The following LCA5L variants were observed in gnomAD, a reference collection of about 807,000 sequenced individuals.
The protein encoded by LCA5L is lebercilin LCA5 like.
A neutral mutation model predicts 45.4 loss-of-function variants in LCA5L; 35 were observed. The ratio of observed to expected loss-of-function variants is 0.77; its 90% CI spans 0.59 to 1.02. The LOEUF is 1.02. Among genes scored for constraint, LCA5L ranks in the 50% least tolerant of loss-of-function variants. The pLI is 0.00. For missense variants in LCA5L, 668 were observed against 761.6 expected, an observed-to-expected ratio of 0.88 and a Z score of 1.45; for synonymous variants, 233 against 264.7, an observed-to-expected ratio of 0.88 and a Z score of 1.16.
chr21:39,414,177 C>T (rs2040613957), intron 7 of LCA5L: 1 of 152,224 alleles, frequency 6.6e-6, no homozygotes, highest in South Asian at 2.1e-4. Context: ...TGCCCGCAAG[C>T]ACAAAGGGTA....
Position 39,428,294 on chromosome 21 carries a change from T to C in LCA5L, c.200A>G (p.Tyr67Cys). ...SCGSLSSQYDYSEDFLCDCSE... is the reference protein window; with the variant it reads ...SCGSLSSQYDCSEDFLCDCSE... ...ACAATCACAGAGAAAGTCTTCTGAA[T>C]AATCATACTGAGAACTTAAACTTCC... The change falls in exon 5 of 11, where the codon TAT (tyrosine) becomes TGT (cysteine). Residue 67 changes from tyrosine (Y) to cysteine (C), a missense_variant. Transcript: ENST00000288350. 1 of 1,612,090 alleles carries C rather than the reference T, an allele frequency of 6.2e-7. No individual in the cohort carries two copies. Among genetic ancestry groups the C allele is most frequent in the Non-Finnish European group, 8.5e-7 (1 of 1,178,268 alleles).
intron 7 of LCA5L, among the ~76,000 whole-genome samples, chr21:39,416,832 C>T (rs2041262179): frequency 6.6e-6 from 1 of 152,116 alleles, no homozygotes; most frequent in Non-Finnish European, 1.5e-5. Flanking sequence ...TTATTTGTGT[C>T]CTTACAGTGT....
At chr21:39,427,149 A>G (rs2074862415) in intron 5 of LCA5L, among the ~76,000 whole-genome samples, 1 of 152,206 alleles carries the variant, frequency 6.6e-6, no homozygotes, top group Non-Finnish European at 1.5e-5. Flanking sequence ...CCCAAACAGC[A>G]GGCCCTTTAT....
At chr21:39,419,538 A>AAAG (rs1555897354) in intron 7 of LCA5L, among the ~76,000 whole-genome samples, 5 of 151,330 alleles carry the variant, frequency 3.3e-5, no homozygotes, top group African/African-American at 9.8e-5. Context: ...AAAAAAAAGA[A>AAAG]AAAAGAAAAA....
intron 5 of LCA5L, among the ~76,000 whole-genome samples, chr21:39,426,441 A>G (rs1468736357): frequency 6.6e-6 from 1 of 152,208 alleles, no homozygotes; most frequent in African/African-American, 2.4e-5. Context: ...AATGTAGTAT[A>G]TAGATTCAAG....
intron 9 of LCA5L, 83 bp downstream of exon 9, chr21:39,410,181 T>A: frequency 8.0e-7 from 1 of 1,246,824 alleles, no homozygotes; most frequent in East Asian, 2.3e-5. Context: ...CTACAAATAC[T>A]TTTCACATAG....
At position 39,409,936 on chromosome 21, in the gene LCA5L, T is replaced by G. The variant is rs763211868; in HGVS notation, c.1282+43A>C. Reference sequence around the variant, plus strand: ...TATACACATATAGTAATTCACAATTTTAAAGAAATCAGATAAGATAGACTT... The same window carrying G: ...TATACACATATAGTAATTCACAATTGTAAAGAAATCAGATAAGATAGACTT... On this transcript the variant is annotated intron_variant, in intron 10 of 10. Transcript: ENST00000288350. This position sits in a 1 kb window ranked among gnomAD's most constrained non-coding sequence, Gnocchi z 4.2. 2.1e-5 allele frequency: 24 copies of G among 1,161,252 alleles called. No homozygotes were observed. In the South Asian group the frequency reaches 2.6e-4, roughly 13 times the overall value. The allele number at this position is 1,161,252 out of a possible 1,614,324, so 71.9% of individuals were successfully genotyped here.
At chr21:39,410,417 C>A (rs754347167) in intron 8 of LCA5L, 50 bp from the exon 9 acceptor site, 10 of 951,108 alleles carry the variant, frequency 1.1e-5, no homozygotes, top group African/African-American at 1.7e-5. Flanking sequence ...CATTTGGATA[C>A]AATATTGATT....
At position 39,423,480 on chromosome 21, in the gene LCA5L, TTCC is replaced by T; in HGVS notation, c.330_332del (p.Glu111del). The T allele has an allele frequency of 1.3e-6, 2 of 1,563,314 alleles. No individual in the cohort carries two copies. Among genetic ancestry groups the T allele is most frequent in the East Asian group, 4.5e-5 (2 of 44,376 alleles). ...AGGTGTGCTTTTTTTCAACTGATATTTCCTTCTGGCCTGTGTAAGCAGAAAATC... is the reference window on the plus strand; with the variant it reads ...AGGTGTGCTTTTTTTCAACTGATATTTTCTGGCCTGTGTAAGCAGAAAATC... On this transcript the variant is annotated inframe_deletion, in exon 6 of 11. Transcript: ENST00000288350.
intron 7 of LCA5L, among the ~76,000 whole-genome samples, chr21:39,414,742 C>CTCTCTGTGTGTGTGTGTGTG (rs1341489035): frequency 5.0e-5 from 5 of 99,176 alleles, no homozygotes; most frequent in African/African-American, 2.2e-4. Flanking sequence ...CTCTCTCTCT[C>CTCTCTGTGTGTGTGTGTGTG]TGTGTGTGTG....
chr21:39,411,730 C>T lies in LCA5L; in HGVS notation c.1048G>A (p.Asp350Asn). The T allele has an allele frequency of 1.3e-6, 2 of 1,522,368 alleles. No individual in the cohort carries two copies. The highest frequency in any genetic ancestry group is 2.4e-5 in the South Asian group (2 of 83,550). The allele number at this position is 1,522,368 out of a possible 1,614,324, so 94.3% of individuals were successfully genotyped here. Reference protein sequence around the residue: ...RILKNLHDTEDYPKVSSTKSV... With the variant: ...RILKNLHDTENYPKVSSTKSV... ...AATTAAAACATACCTTTTGGATAGT[C>T]CTCTGTGTCATGTAAATTTTTAAGT... The change falls in exon 8 of 11, where the codon GAC becomes AAC. Residue 350 changes from aspartate to asparagine, a missense_variant. Transcript: ENST00000288350.
rs921721338 is a variant in LCA5L, at chr21:39,410,454, T to G, written c.1061-87A>C. On this transcript the variant is annotated intron_variant, in intron 8 of 10. Coordinates refer to ENST00000288350, the MANE Select transcript of LCA5L (RefSeq NM_152505.4). Reference sequence around the variant, plus strand: ...TAAACATAAAATAACTTTTATGCAATGTAATAATAAAGTATACTAAGTATT... The same window carrying G: ...TAAACATAAAATAACTTTTATGCAAGGTAATAATAAAGTATACTAAGTATT... The G allele has an allele frequency of 4.3e-6, 3 of 690,412 alleles. No individual in the cohort carries two copies. In the African/African-American group the frequency reaches 5.5e-5, roughly 13 times the overall value. The allele number at this position is 690,412 out of a possible 1,614,324, so 42.8% of individuals were successfully genotyped here.
intron 3 of LCA5L, among the ~76,000 whole-genome samples, chr21:39,434,500 C>A (rs2076099619): frequency 6.6e-6 from 1 of 151,972 alleles, no homozygotes. Flanking sequence ...TTGAAAAATC[C>A]AGGCCTTAAA....
At position 39,406,113 on chromosome 21, in the gene LCA5L, C is replaced by T. The variant is rs771856856; in HGVS notation, c.1782G>A (p.Lys594=). The T allele has an allele frequency of 3.7e-6, 6 of 1,614,082 alleles. No individual in the cohort carries two copies. The part of the protein sequence containing the change: ...IKVKDTTFRD[K]KSSLMEELFG... ...AGAGTTCTTCCATGAGACTGCTTTT[C>T]TTATCTCTGAAAGTTGTATCCTTCA... is the stretch of plus-strand genomic sequence containing the variant. The change falls in exon 11 of 11, where the codon AAG becomes AAA. Residue 594 remains lysine (K), a synonymous_variant. Transcript: ENST00000288350.
At chr21:39,423,513 T>G in intron 5 of LCA5L, 23 bp from the exon 6 acceptor site, 1 of 1,520,598 alleles carries the variant, frequency 6.6e-7, no homozygotes, top group Non-Finnish European at 8.7e-7. Flanking sequence ...AAAATCCAGT[T>G]TATTACTAGT....
rs2076202619 is a variant in LCA5L, at chr21:39,435,471, A to C, written c.-143T>G. 1 of 152,244 alleles carries C rather than the reference A, an allele frequency of 6.6e-6. No individual in the cohort carries two copies. The highest frequency in any genetic ancestry group is 1.9e-4 in the East Asian group (1 of 5,202). 9.4% of individuals were successfully genotyped at this position (152,244 alleles called of 1,614,324 possible). On this transcript the variant is annotated 5_prime_UTR_variant, in exon 3 of 11. Coordinates refer to ENST00000288350, the MANE Select transcript of LCA5L (RefSeq NM_152505.4). The stretch of plus-strand genomic sequence containing the variant: ...AGATGTCTGATGATAAACTGAAGAT[A>C]AGCACAGGGTTCTTCACACTGTAGT...
chr21:39,428,780 CTT>C (rs1444909950), intron 4 of LCA5L, among the ~76,000 whole-genome samples: 1 of 149,966 alleles, frequency 6.7e-6, no homozygotes, highest in Non-Finnish European at 1.5e-5. Context: ...ACCTGGCTAA[CTT>C]ATTATTTTTT....
At chr21:39,440,537 A>T (rs1330209407) in intron 2 of LCA5L, among the ~76,000 whole-genome samples, 2 of 152,154 alleles carry the variant, frequency 1.3e-5, no homozygotes, top group Non-Finnish European at 2.9e-5. Flanking sequence ...CCCTGTCTCA[A>T]AAAAAAACAA....
chr21:39,432,366 T>C (rs2075823956), intron 3 of LCA5L, among the ~76,000 whole-genome samples: 1 of 152,206 alleles, frequency 6.6e-6, no homozygotes, highest in Non-Finnish European at 1.5e-5. Flanking sequence ...AACACTTAAA[T>C]GAATTTTGTA....
Sources: allele counts gnomAD v4.1 joint callset (sites outside exome capture counted in the v4.1 genomes callset), GRCh38; gene constraint gnomAD v4.1.1; non-coding constraint Gnocchi (gnomAD v3.1); transcripts MANE v1.5; gene names NCBI Gene and HGNC (gene_info 2026-07-23, HGNC 2026-07-21).